Variants in MRGPRF observed in about 807,000 individuals in gnomAD.
MRGPRF encodes the protein mas-related G protein-coupled receptor member F.
MRGPRF carries 2 observed loss-of-function variants against 3.3 expected under a neutral mutation model. The observed-to-expected ratio is 0.61, with a 90% CI of 0.25 to 1.92. The LOEUF is 1.92. MRGPRF is among the 40% of genes most tolerant of loss of function. The pLI, the probability that MRGPRF is intolerant of heterozygous loss-of-function variation, is 0.16. For synonymous variants in MRGPRF, 242 were observed against 222.7 expected (o/e 1.09, Z -0.77); for missense variants, 500 against 476.0 (o/e 1.05, Z -0.47).
chr11:69,006,619 CTTTTTTT>C (rs11326908), intron 2 of MRGPRF, among the ~76,000 whole-genome samples: 5 of 107,936 alleles, frequency 4.6e-5, no homozygotes, highest in South Asian at 3.4e-4. Flanking sequence ...GAGCCTTTCC[CTTTTTTT>C]TTTTTTTTTT....
At chr11:69,009,086 C>T (rs569833298) in intron 2 of MRGPRF, among the ~76,000 whole-genome samples, 73 of 152,322 alleles carry the variant, frequency 4.8e-4, no homozygotes, top group African/African-American at 1.7e-3. Flanking sequence ...CACTCCACAG[C>T]GGTCACTACG....
At position 69,005,915 on chromosome 11, in the gene MRGPRF, C is replaced by T; in HGVS notation, c.395G>A (p.Ser132Asn). The T allele has an allele frequency of 6.4e-7, 1 of 1,574,276 alleles. No homozygotes were observed. Residue 132 changes from serine (S) to asparagine (N), a missense_variant, in exon 3 of 3, where the codon AGC becomes AAC. By Grantham distance (46) the Ser-to-Asn change is conservative. Transcript: ENST00000309099. ...LGLCMFLTGV[S>N]LLPAVSAERC... ...CTCGGCGCTGACGGCCGGCAGGAGG[C>T]TCACGCCGGTAAGGAACATGCAGAG...
intron 2 of MRGPRF, among the ~76,000 whole-genome samples, chr11:69,009,110 GGGCCCAA>G (rs1395978583): frequency 6.6e-6 from 1 of 152,236 alleles, no homozygotes; most frequent in Non-Finnish European, 1.5e-5. Flanking sequence ...AAGAGGGAGA[GGGCCCAA>G]GGCCCAAGGG....
At chr11:69,006,693 G>A (rs1474350451) in intron 2 of MRGPRF, among the ~76,000 whole-genome samples, 1 of 139,580 alleles carries the variant, frequency 7.2e-6, no homozygotes, top group Non-Finnish European at 1.5e-5. Flanking sequence ...GCACGATCTC[G>A]GCTCACTGCA....
chr11:69,009,771 G>A, intron 2 of MRGPRF, 83 bp downstream of exon 2: 1 of 1,488,938 alleles, frequency 6.7e-7, no homozygotes, highest in African/African-American at 1.4e-5. Flanking sequence ...GGGGGGGATG[G>A]GGGAGGAGAT....
intron 2 of MRGPRF, chr11:69,009,427 C>T: frequency 3.9e-6 from 2 of 506,708 alleles, no homozygotes; most frequent in Non-Finnish European, 6.9e-6. Context: ...TGGGGCAACA[C>T]TCTCGGGGTG....
chr11:69,009,688 T>C (rs182814110), intron 2 of MRGPRF, 166 bp downstream of exon 2: 3 of 797,404 alleles, frequency 3.8e-6, no homozygotes, highest in Middle Eastern at 2.2e-4. Flanking sequence ...TCCAGGGAAC[T>C]TGTGCCCGGC....
Position 69,005,325 on chromosome 11 carries a change from TG to T in MRGPRF, c.984del (p.Asn329ThrfsTer94). ...CACTGCATCTCCATGGTGACTGTGT[TG>T]GGCGTGCTGCCCCCGGCCTCCCCCA... ...AELGEAGGST[P>X]NTVTMEMQCP... On this transcript the variant is annotated frameshift_variant, in exon 3 of 3. Transcript: ENST00000309099. LOFTEE classifies it high-confidence loss of function. 1 of 1,551,956 alleles carries T rather than the reference TG, an allele frequency of 6.4e-7. No individual in the cohort carries two copies. Among genetic ancestry groups the T allele is most frequent in the Non-Finnish European group, 8.7e-7 (1 of 1,151,910 alleles).
In MRGPRF at chr11:69,005,846, C is replaced by A. The variant is rs767308722; in HGVS notation, c.464G>T (p.Arg155Leu). ...CACCACGGCCGACAGGCGCTTGGGC[C>A]GCCGGCGCCAGTACCAGGCGGGGAA... Reference protein sequence around the residue: ...VIFPAWYWRRRPKRLSAVVCA... With the variant: ...VIFPAWYWRRLPKRLSAVVCA... The change falls in exon 3 of 3, where the codon CGG becomes CTG. Residue 155 changes from arginine (R) to leucine (L), a missense_variant. Physicochemically the swap from Arg to Leu is moderately radical, Grantham distance 102. Transcript: ENST00000309099. 6.5e-7 allele frequency: 1 copy of A among 1,538,634 alleles called. No individual in the cohort carries two copies. Among genetic ancestry groups the A allele is most frequent in the Admixed American group, 2.1e-5 (1 of 48,660 alleles).
At chr11:69,010,793 G>A (rs534444100) in intron 1 of MRGPRF, among the ~76,000 whole-genome samples, 10 of 152,252 alleles carry the variant, frequency 6.6e-5, no homozygotes, top group African/African-American at 2.4e-4. Flanking sequence ...GACCCTGCTG[G>A]AGGCTGGTCC....
chr11:69,005,837 C>T lies in MRGPRF; in HGVS notation c.473G>A (p.Arg158His), dbSNP rs756775637. The change falls in exon 3 of 3, where the codon CGC (arginine) becomes CAC (histidine). Residue 158 changes from arginine (R) to histidine (H), a missense_variant. By Grantham distance (29) the Arg-to-His change is conservative. Transcript: ENST00000309099. ...PAWYWRRRPK[R>H]LSAVVCALLW... ...CAGGGCGCACACCACGGCCGACAGGCGCTTGGGCCGCCGGCGCCAGTACCA... is the reference window on the plus strand; with the variant it reads ...CAGGGCGCACACCACGGCCGACAGGTGCTTGGGCCGCCGGCGCCAGTACCA... The T allele has an allele frequency of 7.8e-6, 12 of 1,534,602 alleles. No homozygotes were observed. Among genetic ancestry groups the T allele is most frequent in the Non-Finnish European group, 9.6e-6 (11 of 1,141,696 alleles).
rs979827463 is a variant in MRGPRF at position 69,005,226 on chromosome 11, G to A, written c.*52C>T. The A allele has an allele frequency of 2.8e-5, 40 of 1,441,160 alleles. No individual in the cohort carries two copies. The highest frequency in any genetic ancestry group is 7.2e-5 in the African/African-American group (5 of 69,874). The allele number at this position is 1,441,160 out of a possible 1,614,324, so 89.3% of individuals were successfully genotyped here. On this transcript the variant is annotated 3_prime_UTR_variant, in exon 3 of 3. Coordinates refer to ENST00000309099, the MANE Select transcript of MRGPRF (RefSeq NM_145015.5). The stretch of plus-strand genomic sequence containing the variant: ...CAGGTGCCCATTCCTGTCCCAAGGC[G>A]AAGGGTCTTGGAGGCCGCTTCCTGC...
chr11:69,005,880 A>G lies in MRGPRF; in HGVS notation c.430T>C (p.Ser144Pro). 5 of 1,564,276 alleles carry G rather than the reference A, an allele frequency of 3.2e-6. No individual in the cohort carries two copies. Among genetic ancestry groups the G allele is most frequent in the Non-Finnish European group, 4.3e-6 (5 of 1,156,664 alleles). Residue 144 changes from serine to proline, a missense_variant, in exon 3 of 3, where the codon TCG (serine) becomes CCG (proline). Coordinates refer to ENST00000309099, the MANE Select transcript of MRGPRF (RefSeq NM_145015.5). ...LPAVSAERCA[S>P]VIFPAWYWRR... ...CAGTACCAGGCGGGGAAGATGACCG[A>G]GGCGCAGCGCTCGGCGCTGACGGCC...
At chr11:69,010,641 AAGGCACACCCAT>A (rs1393791027) in intron 1 of MRGPRF, among the ~76,000 whole-genome samples, 1 of 152,120 alleles carries the variant, frequency 6.6e-6, no homozygotes, top group Non-Finnish European at 1.5e-5. Flanking sequence ...CACCTGCCCA[AAGGCACACCCAT>A]AGCCACACCA....
At chr11:69,010,037 A>C (rs999878885) in intron 1 of MRGPRF, 80 bp from the exon 2 acceptor site, 3 of 887,084 alleles carry the variant, frequency 3.4e-6, no homozygotes, top group Non-Finnish European at 5.1e-6. Context: ...TAGGCCCCCA[A>C]GGCCTGTGGC....
Position 69,005,443 on chromosome 11 carries a change from G to T in MRGPRF, c.867C>A (p.Ile289=). ...TGTCCCTCCCGGCCAGGAAGTAGACGATGGGCTTGGCGCTGCTGTTGATGC... is the reference window on the plus strand; with the variant it reads ...TGTCCCTCCCGGCCAGGAAGTAGACTATGGGCTTGGCGCTGCTGTTGATGC... ...CICINSSAKP[I]VYFLAGRDKS... Residue 289 remains isoleucine (I), a synonymous_variant, in exon 3 of 3, where the codon ATC becomes ATA. Coordinates refer to ENST00000309099, the MANE Select transcript of MRGPRF (RefSeq NM_145015.5). 1.3e-6 allele frequency: 2 copies of T among 1,589,690 alleles called. No individual in the cohort carries two copies. Among genetic ancestry groups the T allele is most frequent in the East Asian group, 4.6e-5 (2 of 43,638 alleles).
chr11:69,010,958 T>A (rs1860582862), intron 1 of MRGPRF, among the ~76,000 whole-genome samples: 1 of 152,090 alleles, frequency 6.6e-6, no homozygotes, highest in African/African-American at 2.4e-5. Flanking sequence ...TATTCCCTGC[T>A]GTACTGGGGG....
chr11:69,011,031 G>C (rs1860584867), intron 1 of MRGPRF, among the ~76,000 whole-genome samples: 1 of 152,122 alleles, frequency 6.6e-6, no homozygotes. Flanking sequence ...GCAGGCTGCC[G>C]GGCCCCTCCT....
chr11:69,005,344 C>T lies in MRGPRF; in HGVS notation c.966G>A (p.Glu322=), dbSNP rs763158831. The part of the protein sequence containing the change: ...RALRDGAELG[E]AGGSTPNTVT... ...CTGTGTTGGGCGTGCTGCCCCCGGC[C>T]TCCCCCAGCTCAGCGCCGTCCCGCA... Residue 322 remains glutamate (E), a synonymous_variant, in exon 3 of 3, where the codon GAG becomes GAA. Transcript: ENST00000309099. 16 of 1,563,796 alleles carry T rather than the reference C, an allele frequency of 1.0e-5. No individual in the cohort carries two copies. The highest frequency in any genetic ancestry group is 1.4e-5 in the Non-Finnish European group (16 of 1,156,220).
Sources: gnomAD v4.1 joint callset for allele counts (sites outside exome capture counted in the v4.1 genomes callset) on GRCh38, gnomAD v4.1.1 for gene constraint, MANE v1.5 for transcripts, NCBI Gene and HGNC (gene_info 2026-07-23, HGNC 2026-07-21) for gene names.